GUCY1A2: variants seen among roughly 807,000 people sequenced by gnomAD.
GUCY1A2 encodes the protein guanylate cyclase soluble subunit alpha-2.
A neutral mutation model predicts 63.5 loss-of-function variants in GUCY1A2; 27 were observed. That is an observed-to-expected ratio of 0.43 (90% CI 0.31 to 0.59). The LOEUF (loss-of-function observed/expected upper bound fraction) is 0.59. GUCY1A2 is among the 20% of genes least tolerant of loss of function. The probability of loss-of-function intolerance (pLI) is 0.11; values close to 1 mark genes in which losing one functional copy is unlikely to be tolerated. For synonymous variants in GUCY1A2, 364 were observed against 343.5 expected, an observed-to-expected ratio of 1.06 and a Z score of -0.66; for missense variants, 768 against 913.3, an observed-to-expected ratio of 0.84 and a Z score of 2.05.
intron 3 of GUCY1A2, among the ~76,000 whole-genome samples, chr11:106,952,121 T>A (rs1284561883): frequency 1.3e-5 from 2 of 152,196 alleles, no homozygotes; most frequent in African/African-American, 4.8e-5. Context: ...ACCAGTACCA[T>A]GCTATTTTGG....
chr11:106,959,424 T>C (rs892688186), intron 3 of GUCY1A2, among the ~76,000 whole-genome samples: 1 of 152,250 alleles, frequency 6.6e-6, no homozygotes, highest in Non-Finnish European at 1.5e-5. Flanking sequence ...ACATATTTTA[T>C]GTACTCGGAT....
At chr11:106,840,163 C>T (rs1440534594) in intron 4 of GUCY1A2, among the ~76,000 whole-genome samples, 1 of 151,906 alleles carries the variant, frequency 6.6e-6, no homozygotes, top group Non-Finnish European at 1.5e-5. Flanking sequence ...AGGTATCTCT[C>T]ATCTGTGCCA....
intron 5 of GUCY1A2, among the ~76,000 whole-genome samples, chr11:106,796,527 G>C (rs944339463): frequency 9.9e-5 from 15 of 152,174 alleles, no homozygotes; most frequent in East Asian, 3.9e-4. Context: ...TTCTCCTTCA[G>C]TTATGAAGCT....
At chr11:106,768,576 A>G (rs2135397009) in intron 6 of GUCY1A2, among the ~76,000 whole-genome samples, 2 of 152,260 alleles carry the variant, frequency 1.3e-5, no homozygotes, top group African/African-American at 2.4e-5. Context: ...TTCTTCATTT[A>G]CAAACTGGAA....
intron 2 of GUCY1A2, among the ~76,000 whole-genome samples, chr11:106,985,411 T>C (rs193047991): frequency 6.6e-6 from 1 of 152,366 alleles, no homozygotes; most frequent in Admixed American, 6.5e-5. Context: ...TGGAGCTCTC[T>C]GTTTACAAAA....
intron 3 of GUCY1A2, among the ~76,000 whole-genome samples, chr11:106,962,662 C>T (rs1408850102): frequency 6.6e-6 from 1 of 151,280 alleles, no homozygotes; most frequent in African/African-American, 2.4e-5. Flanking sequence ...TGATTATGTC[C>T]TGCATATGTT....
rs181202806 is a variant in GUCY1A2, at chr11:106,796,058, C to A, written c.1692+13935G>T. Among the ~76,000 whole-genome samples the A allele has an allele frequency of 2.8e-3, 425 of 152,032 alleles. 1 individual carries two copies. The highest frequency in any genetic ancestry group is 9.4e-3 in the African/African-American group (389 of 41,522). On this transcript the variant is annotated intron_variant, in intron 5 of 7. Transcript: ENST00000526355. ...TGTTGAATTGATCCCTTTACCATTACGTAATGGCCTTCTTTGTCTCTTTTG... is the reference window on the plus strand; with the variant it reads ...TGTTGAATTGATCCCTTTACCATTAAGTAATGGCCTTCTTTGTCTCTTTTG...
chr11:106,733,067 C>T (rs1159508478), intron 6 of GUCY1A2, among the ~76,000 whole-genome samples: 1 of 152,122 alleles, frequency 6.6e-6, no homozygotes, highest in Non-Finnish European at 1.5e-5. Context: ...ATAATGGTTT[C>T]AAAAACGCTT....
chr11:106,826,565 G>A, intron 4 of GUCY1A2: 5 of 1,601,140 alleles, frequency 3.1e-6, no homozygotes, highest in Non-Finnish European at 3.4e-6. Flanking sequence ...ATGTATTCTT[G>A]TCCTTTGGTA....
chr11:106,728,334 T>A (rs1863442971), intron 6 of GUCY1A2, among the ~76,000 whole-genome samples: 1 of 152,154 alleles, frequency 6.6e-6, no homozygotes, highest in South Asian at 2.1e-4. Context: ...TATCATCCCA[T>A]CCTCTCTGCT....
chr11:106,984,511 T>C (rs1308391187), intron 2 of GUCY1A2, among the ~76,000 whole-genome samples: 1 of 152,186 alleles, frequency 6.6e-6, no homozygotes, highest in Non-Finnish European at 1.5e-5. Flanking sequence ...GATCACATTA[T>C]AAGAGTCCCA....
chr11:106,753,165 C>G (rs908256495), intron 6 of GUCY1A2, among the ~76,000 whole-genome samples: 2 of 152,184 alleles, frequency 1.3e-5, no homozygotes, highest in African/African-American at 4.8e-5. Context: ...TAAATGCCTT[C>G]TTTTGAGAAG....
chr11:106,862,503 A>C (rs529564449), intron 4 of GUCY1A2, among the ~76,000 whole-genome samples: 51 of 152,098 alleles, frequency 3.4e-4, no homozygotes, highest in African/African-American at 1.1e-3. Flanking sequence ...AACAAACAAA[A>C]AAACCAGCCT....
intron 5 of GUCY1A2, among the ~76,000 whole-genome samples, chr11:106,779,456 A>AATCT (rs1393608005): frequency 2.0e-5 from 3 of 152,200 alleles, no homozygotes; most frequent in Non-Finnish European, 4.4e-5. Context: ...ACACTTTGAA[A>AATCT]ATCTATCTAT....
At chr11:107,001,994 G>T in intron 1 of GUCY1A2, among the ~76,000 whole-genome samples, 1 of 151,656 alleles carries the variant, frequency 6.6e-6, no homozygotes, top group African/African-American at 2.4e-5. Flanking sequence ...ACAGCAGCCT[G>T]GGCGACAGAG....
chr11:106,973,837 A>G (rs762600037), intron 3 of GUCY1A2, among the ~76,000 whole-genome samples: 1 of 152,160 alleles, frequency 6.6e-6, no homozygotes, highest in Non-Finnish European at 1.5e-5. Flanking sequence ...ACTCAATAAT[A>G]ATAAAAGCAA....
chr11:106,826,470 G>C (rs1226878807), intron 4 of GUCY1A2: 1 of 1,592,576 alleles, frequency 6.3e-7, no homozygotes, highest in Non-Finnish European at 8.6e-7. Context: ...TTTGGTTTAA[G>C]ATTAGGTTTT....
chr11:106,708,477 C>A, intron 7 of GUCY1A2, 35 bp downstream of exon 7: 1 of 1,577,922 alleles, frequency 6.3e-7, no homozygotes, highest in Admixed American at 1.7e-5. Context: ...AAAACAAAGG[C>A]CAAGACAGGA....
intron 4 of GUCY1A2, among the ~76,000 whole-genome samples, chr11:106,831,937 A>G (rs1488710339): frequency 1.3e-5 from 2 of 152,140 alleles, no homozygotes; most frequent in African/African-American, 4.8e-5. Flanking sequence ...ATGTGGTGAA[A>G]AGAATCCATC....
Sources: gnomAD v4.1 joint callset for allele counts (sites outside exome capture counted in the v4.1 genomes callset) on GRCh38, gnomAD v4.1.1 for gene constraint, MANE v1.5 for transcripts, NCBI Gene and HGNC (gene_info 2026-07-23, HGNC 2026-07-21) for gene names.